Variants in EML4 observed in about 807,000 individuals in gnomAD.
EML4 encodes echinoderm microtubule-associated protein-like 4.
Under a neutral mutation model 129.0 loss-of-function variants are expected in EML4, and 72 were observed. That is an observed-to-expected ratio of 0.56 (90% confidence interval 0.46 to 0.68). The LOEUF (loss-of-function observed/expected upper bound fraction) is 0.68, where lower values mean the gene tolerates loss of function less well. Among genes scored for constraint, EML4 ranks in the 30% least tolerant of loss-of-function variants. The probability of loss-of-function intolerance (pLI) is 0.00; values close to 1 mark genes in which losing one functional copy is unlikely to be tolerated. For synonymous variants in EML4, 532 were observed against 405.0 expected, an observed-to-expected ratio of 1.31 and a Z score of -3.77; for missense variants, 1,363 against 1,190.6, an observed-to-expected ratio of 1.14 and a Z score of -2.13.
chr2:42,276,088 G>C (rs543413888), intron 6 of EML4, among the ~76,000 whole-genome samples: 1 of 152,104 alleles, frequency 6.6e-6, no homozygotes, highest in Non-Finnish European at 1.5e-5. Context: ...ACAATGACTG[G>C]GGAGAAAAGA....
At chr2:42,312,239 T>C (rs1668992959) in intron 17 of EML4, among the ~76,000 whole-genome samples, 3 of 151,904 alleles carry the variant, frequency 2.0e-5, no homozygotes, top group South Asian at 2.1e-4. Flanking sequence ...CACTGATAGG[T>C]TATAAATCAA....
chr2:42,282,083 T>C (rs1667043551), intron 7 of EML4, among the ~76,000 whole-genome samples: 1 of 152,108 alleles, frequency 6.6e-6, no homozygotes, highest in African/African-American at 2.4e-5. Context: ...CTCCCTTCTC[T>C]CTCTTTTTCT....
chr2:42,295,259 G>C lies in EML4; in HGVS notation c.1353G>C (p.Gly451=). 6.2e-7 allele frequency: 1 copy of C among 1,612,422 alleles called. No individual in the cohort carries two copies. The highest frequency in any genetic ancestry group is 8.5e-7 in the Non-Finnish European group (1 of 1,179,534). ...TAACAAGAAAACAGGGAATTTTTGGGGTAAGAATCAGATTGTTTTAATGTC... is the reference window on the plus strand; with the variant it reads ...TAACAAGAAAACAGGGAATTTTTGGCGTAAGAATCAGATTGTTTTAATGTC... The part of the protein sequence containing the change: ...NSLTRKQGIF[G]KYEKPKFVQC... The change falls in exon 12 of 23, where the codon GGG becomes GGC. Residue 451 remains glycine (G), a splice_region_variant and synonymous_variant. Coordinates refer to ENST00000318522, the MANE Select transcript of EML4 (RefSeq NM_019063.5).
chr2:42,315,630 TTGGGAGGCTGAGG>T (rs1669205450), intron 17 of EML4, among the ~76,000 whole-genome samples: 1 of 152,176 alleles, frequency 6.6e-6, no homozygotes, highest in Non-Finnish European at 1.5e-5. Flanking sequence ...TCTCATTACT[TTGGGAGGCTGAGG>T]TGGGAGGACT....
At chr2:42,257,998 T>A (rs2104365826) in intron 3 of EML4, among the ~76,000 whole-genome samples, 1 of 152,346 alleles carries the variant, frequency 6.6e-6, no homozygotes, top group South Asian at 2.1e-4. Context: ...AGTACAATTT[T>A]AAATAAATTT....
intron 1 of EML4, among the ~76,000 whole-genome samples, chr2:42,238,053 T>G (rs891542543): frequency 6.6e-6 from 1 of 152,222 alleles, no homozygotes; most frequent in Non-Finnish European, 1.5e-5. Context: ...CTTTATTTCA[T>G]GCACAAAATT....
intron 1 of EML4, among the ~76,000 whole-genome samples, chr2:42,225,805 A>G (rs1673923073): frequency 6.6e-6 from 1 of 152,088 alleles, no homozygotes; most frequent in African/African-American, 2.4e-5. Flanking sequence ...CAATATTGAC[A>G]TATTTCTTAC....
intron 1 of EML4, among the ~76,000 whole-genome samples, chr2:42,210,811 T>C (rs554754136): frequency 1.3e-5 from 2 of 152,232 alleles, no homozygotes; most frequent in African/African-American, 4.8e-5. Context: ...AAAACTCTTT[T>C]GAGAACTTCC....
At chr2:42,202,430 TTCTC>T (rs1466832510) in intron 1 of EML4, among the ~76,000 whole-genome samples, 1 of 152,140 alleles carries the variant, frequency 6.6e-6, no homozygotes, top group Non-Finnish European at 1.5e-5. Context: ...TTAGTCAGTG[TTCTC>T]TAGAGGGACA....
At chr2:42,271,104 G>A (rs923810656) in intron 6 of EML4, among the ~76,000 whole-genome samples, 10 of 152,070 alleles carry the variant, frequency 6.6e-5, no homozygotes, top group Non-Finnish European at 1.5e-4. Context: ...ATGTTGCCCA[G>A]GCTGTTCTTG....
chr2:42,195,245 C>T lies in EML4; in HGVS notation c.25+25609C>T, dbSNP rs146298554. 4.6e-5 allele frequency among the ~76,000 whole-genome samples: 7 copies of T among 152,118 alleles called. No homozygotes were observed. In the East Asian group the frequency reaches 9.7e-4, roughly 21 times the overall value. On this transcript the variant is annotated intron_variant, in intron 1 of 22. Transcript: ENST00000318522. ...GTATATGATAACTTCATCATGCTAC[C>T]AGATAAAACATTAGAGCATATGCCT... is the stretch of plus-strand genomic sequence containing the variant.
At chr2:42,269,099 G>T (rs941716359) in intron 6 of EML4, among the ~76,000 whole-genome samples, 1 of 152,136 alleles carries the variant, frequency 6.6e-6, no homozygotes, top group African/African-American at 2.4e-5. Flanking sequence ...CAAAATGGAA[G>T]GACAGTTATA....
chr2:42,172,618 C>T (rs1376028944), intron 1 of EML4, among the ~76,000 whole-genome samples: 1 of 151,970 alleles, frequency 6.6e-6, no homozygotes, highest in Middle Eastern at 3.2e-3. Context: ...TTTTAATCCA[C>T]AAATTATGGT....
chr2:42,295,256 T>G lies in EML4; in HGVS notation c.1350T>G (p.Phe450Leu), dbSNP rs755601518. The change falls in exon 12 of 23, where the codon TTT becomes TTG. Residue 450 changes from phenylalanine (F) to leucine (L), a missense_variant. Phe to Leu is a conservative substitution (Grantham distance 22, BLOSUM62 0). Coordinates refer to ENST00000318522, the MANE Select transcript of EML4 (RefSeq NM_019063.5). ...CACTAACAAGAAAACAGGGAATTTTTGGGGTAAGAATCAGATTGTTTTAAT... is the reference window on the plus strand; with the variant it reads ...CACTAACAAGAAAACAGGGAATTTTGGGGGTAAGAATCAGATTGTTTTAAT... Reference protein sequence around the residue: ...GNSLTRKQGIFGKYEKPKFVQ... With the variant: ...GNSLTRKQGILGKYEKPKFVQ... 6.8e-6 allele frequency: 11 copies of G among 1,612,844 alleles called. No individual in the cohort carries two copies. The highest frequency in any genetic ancestry group is 9.3e-6 in the Non-Finnish European group (11 of 1,179,696).
At chr2:42,314,371 T>C (rs898216430) in intron 17 of EML4, among the ~76,000 whole-genome samples, 2 of 151,786 alleles carry the variant, frequency 1.3e-5, no homozygotes, top group East Asian at 1.9e-4. Context: ...AAAAAAAAAA[T>C]TGCTGCTTTT....
At chr2:42,255,882 G>A (rs977821453) in intron 2 of EML4, among the ~76,000 whole-genome samples, 9 of 152,102 alleles carry the variant, frequency 5.9e-5, no homozygotes, top group Non-Finnish European at 1.2e-4. Context: ...AGAAAACTGA[G>A]TCCAAAAATT....
intron 1 of EML4, among the ~76,000 whole-genome samples, chr2:42,179,993 C>T (rs959344808): frequency 1.7e-4 from 26 of 152,052 alleles, no homozygotes; most frequent in Admixed American, 1.6e-3. Flanking sequence ...ATAAAGCCAA[C>T]GGGTAAGATG....
rs1388143120 is a variant in EML4 at position 42,331,282 on chromosome 2, C to CCAA, written c.*1078_*1080dup. On this transcript the variant is annotated 3_prime_UTR_variant, in exon 23 of 23. Coordinates refer to ENST00000318522, the MANE Select transcript of EML4 (RefSeq NM_019063.5). The stretch of plus-strand genomic sequence containing the variant: ...GTAACAGTCACAGCAGTTTTTTTTA[C>CCAA]CAACAGCATACTTAACAGACTTGCT... 1 of 222,302 alleles carries CCAA rather than the reference C, an allele frequency of 4.5e-6. No individual in the cohort carries two copies. The highest frequency in any genetic ancestry group is 2.2e-5 in the African/African-American group (1 of 44,688). The allele number at this position is 222,302 out of a possible 1,614,324, so 13.8% of individuals were successfully genotyped here.
At chr2:42,278,515 G>A (rs776727770) in intron 6 of EML4, among the ~76,000 whole-genome samples, 12 of 148,050 alleles carry the variant, frequency 8.1e-5, no homozygotes, top group Non-Finnish European at 1.5e-4. Context: ...CGGAGGTTGC[G>A]GTGAGCCGAG....
Sources: allele counts gnomAD v4.1 joint callset (sites outside exome capture counted in the v4.1 genomes callset), GRCh38; gene constraint gnomAD v4.1.1; transcripts MANE v1.5; gene names NCBI Gene and HGNC (gene_info 2026-07-23, HGNC 2026-07-21).